The following TFCP2 variants were observed in gnomAD, a reference collection of about 807,000 sequenced individuals.
TFCP2 encodes transcription factor CP2, also known as alpha-globin transcription factor CP2.
Under a neutral mutation model 73.4 loss-of-function variants are expected in TFCP2, and 33 were observed. The ratio of observed to expected loss-of-function variants is 0.45; its 90% confidence interval spans 0.34 to 0.60. The LOEUF (loss-of-function observed/expected upper bound fraction) is 0.60. TFCP2 is among the 20% of genes least tolerant of loss of function. TFCP2 has a pLI of 0.01. For synonymous variants in TFCP2, 193 were observed against 211.6 expected, an observed-to-expected ratio of 0.91 and a Z score of 0.76; for missense variants, 352 against 604.0, an observed-to-expected ratio of 0.58 and a Z score of 4.37.
intron 1 of TFCP2, among the ~76,000 whole-genome samples, chr12:51,159,529 G>GCATTGGCGTCT (rs1296559764): frequency 6.6e-6 from 1 of 151,870 alleles, no homozygotes; most frequent in African/African-American, 2.4e-5. Context: ...AGTAGAGACG[G>GCATTGGCGTCT]GGTTTCACCA....
At chr12:51,139,817 T>C (rs1347007943) in intron 1 of TFCP2, among the ~76,000 whole-genome samples, 1 of 152,226 alleles carries the variant, frequency 6.6e-6, no homozygotes, top group East Asian at 1.9e-4. Flanking sequence ...ATTTAATTCA[T>C]ACAATAATGC....
intron 13 of TFCP2, among the ~76,000 whole-genome samples, chr12:51,096,437 G>A (rs1939966819): frequency 6.6e-6 from 1 of 152,008 alleles, no homozygotes; most frequent in Non-Finnish European, 1.5e-5. Context: ...CCTTCTCCCA[G>A]GGATAAACTC....
At chr12:51,119,750 CA>C (rs968533966) in intron 1 of TFCP2, among the ~76,000 whole-genome samples, 98 of 126,502 alleles carry the variant, frequency 7.7e-4, no homozygotes, top group Middle Eastern at 4.7e-3. Context: ...AACTCCATCT[CA>C]AAAAAAAAAA....
At chr12:51,126,187 T>C (rs1457648771) in intron 1 of TFCP2, among the ~76,000 whole-genome samples, 5 of 138,928 alleles carry the variant, frequency 3.6e-5, no homozygotes, top group South Asian at 4.5e-4. Flanking sequence ...GAGCCGAGAT[T>C]GCGCTACTGC....
At chr12:51,162,723 T>A (rs1592841951) in intron 1 of TFCP2, among the ~76,000 whole-genome samples, 2 of 152,278 alleles carry the variant, frequency 1.3e-5, no homozygotes. Context: ...CAGGCTGGAG[T>A]GCAGTGGCAC....
At chr12:51,137,033 G>C (rs747434154) in intron 1 of TFCP2, among the ~76,000 whole-genome samples, 34 of 152,122 alleles carry the variant, frequency 2.2e-4, no homozygotes, top group Non-Finnish European at 4.0e-4. Flanking sequence ...GTCTTTCTCT[G>C]GGAATACTGG....
At chr12:51,106,290 G>T (rs1029132075) in intron 8 of TFCP2, among the ~76,000 whole-genome samples, 1 of 152,108 alleles carries the variant, frequency 6.6e-6, no homozygotes, top group South Asian at 2.1e-4. Flanking sequence ...ACTTTCTAGT[G>T]GGGGGAAAAA....
chr12:51,137,548 A>G (rs1183066411), intron 1 of TFCP2, among the ~76,000 whole-genome samples: 1 of 152,158 alleles, frequency 6.6e-6, no homozygotes, highest in East Asian at 1.9e-4. Context: ...TTATAGGATT[A>G]GCATTTACCA....
intron 1 of TFCP2, among the ~76,000 whole-genome samples, chr12:51,132,591 G>A (rs776673849): frequency 2.0e-5 from 3 of 151,650 alleles, no homozygotes; most frequent in African/African-American, 7.3e-5. Flanking sequence ...CGCTGGTCTC[G>A]AACTCCTGAC....
chr12:51,119,105 G>A (rs984472844), intron 1 of TFCP2, among the ~76,000 whole-genome samples: 1 of 152,202 alleles, frequency 6.6e-6, no homozygotes, highest in African/African-American at 2.4e-5. Context: ...TTCATTCTCA[G>A]AAAGGCAACA....
Position 51,121,047 on chromosome 12 carries a change from G to A in TFCP2, c.123-2275C>T, listed in dbSNP as rs79111022. On this transcript the variant is annotated intron_variant, in intron 1 of 14. Coordinates refer to ENST00000257915, the MANE Select transcript of TFCP2 (RefSeq NM_005653.5). Reference sequence around the variant, plus strand: ...CCACAGTAAAGTTTTTTTTAAAAAAGAAAAAATATATATAGGCCACAGAGT... The same window carrying A: ...CCACAGTAAAGTTTTTTTTAAAAAAAAAAAAATATATATAGGCCACAGAGT... Among the ~76,000 whole-genome samples, 412 of 111,960 alleles carry A rather than the reference G, an allele frequency of 3.7e-3. 1 individual carries two copies. Among genetic ancestry groups the A allele is most frequent in the South Asian group, 0.022 (67 of 3,076 alleles). 73.5% of individuals were successfully genotyped at this position (111,960 alleles called of 152,430 possible). A position where few individuals can be genotyped will look rare whatever the true frequency, so the allele number is the denominator to read the frequency against.
chr12:51,169,184 A>G lies in TFCP2; in HGVS notation c.122+3117T>C, dbSNP rs1941810975. ...GACCAATATCTAATTAACACAAATT[A>G]ATAGAATAGATTAAATGTGTATAAG... On this transcript the variant is annotated intron_variant, in intron 1 of 14. Coordinates refer to ENST00000257915, the MANE Select transcript of TFCP2 (RefSeq NM_005653.5). Among the ~76,000 whole-genome samples, 3 of 152,294 alleles carry G rather than the reference A, an allele frequency of 2.0e-5. No individual in the cohort carries two copies. In the South Asian group the frequency reaches 6.2e-4, roughly 32 times the overall value.
Position 51,094,977 on chromosome 12 carries a change from T to C in TFCP2, c.*264A>G, listed in dbSNP as rs896404965. 8.0e-6 allele frequency: 4 copies of C among 498,986 alleles called. No individual in the cohort carries two copies. The East Asian group carries it at 9.1e-5, about 11-fold the overall frequency. 30.9% of individuals were successfully genotyped at this position (498,986 alleles called of 1,614,324 possible). A position where few individuals can be genotyped will look rare whatever the true frequency, so the allele number is the denominator to read the frequency against. ...TACACTCTAAATTATGTAGAGTTTC[T>C]ACTGATATTTAACAACAACAAGGTC... On this transcript the variant is annotated 3_prime_UTR_variant, in exon 15 of 15. Coordinates refer to ENST00000257915, the MANE Select transcript of TFCP2 (RefSeq NM_005653.5).
intron 1 of TFCP2, among the ~76,000 whole-genome samples, chr12:51,141,427 C>G (rs1941189568): frequency 6.6e-6 from 1 of 151,968 alleles, no homozygotes; most frequent in South Asian, 2.1e-4. Context: ...CTGAAATTTC[C>G]TTATCTATCT....
intron 1 of TFCP2, among the ~76,000 whole-genome samples, chr12:51,143,450 T>A (rs946860639): frequency 6.6e-6 from 1 of 151,348 alleles, no homozygotes. Flanking sequence ...CTATAAAATA[T>A]ATCTTGAGTT....
chr12:51,161,620 C>G (rs529400355), intron 1 of TFCP2, among the ~76,000 whole-genome samples: 1 of 150,750 alleles, frequency 6.6e-6, no homozygotes, highest in Non-Finnish European at 1.5e-5. Flanking sequence ...GCAGAGGTTG[C>G]GGTGAGCCAA....
At chr12:51,133,557 C>A (rs116068789) in intron 1 of TFCP2, among the ~76,000 whole-genome samples, 2 of 152,194 alleles carry the variant, frequency 1.3e-5, no homozygotes, top group African/African-American at 4.8e-5. Context: ...AGCAATCTGC[C>A]GCCTTGGCCC....
intron 10 of TFCP2, among the ~76,000 whole-genome samples, chr12:51,102,492 G>A (rs769809179): frequency 3.3e-5 from 5 of 151,966 alleles, no homozygotes; most frequent in Non-Finnish European, 7.4e-5. Context: ...TTGGGATGTC[G>A]AGGAGGGTGG....
chr12:51,119,602 T>C (rs558299545), intron 1 of TFCP2, among the ~76,000 whole-genome samples: 2 of 151,776 alleles, frequency 1.3e-5, no homozygotes, highest in East Asian at 3.9e-4. Flanking sequence ...AATACAAACC[T>C]AGCTGGGAGT....
Sources: allele counts gnomAD v4.1 joint callset (sites outside exome capture counted in the v4.1 genomes callset), GRCh38; gene constraint gnomAD v4.1.1; transcripts MANE v1.5; gene names NCBI Gene and HGNC (gene_info 2026-07-23, HGNC 2026-07-21).